DOCK3: variants seen among roughly 807,000 people sequenced by gnomAD.
DOCK3 encodes dedicator of cytokinesis 3.
DOCK3 carries 60 observed loss-of-function variants against 265.6 expected under a neutral mutation model. That is an observed-to-expected ratio of 0.23 (90% CI 0.18 to 0.28). The LOEUF (loss-of-function observed/expected upper bound fraction) is 0.28, where lower values mean the gene tolerates loss of function less well. DOCK3 is among the 10% of genes least tolerant of loss of function. The pLI is 1.00. For synonymous variants in DOCK3, 881 were observed against 938.0 expected (o/e 0.94, Z 1.11); for missense variants, 1,981 against 2,594.3 (o/e 0.76, Z 5.14).
At chr3:51,034,856 T>C (rs575392809) in intron 5 of DOCK3, among the ~76,000 whole-genome samples, 3 of 152,232 alleles carry the variant, frequency 2.0e-5, no homozygotes, top group Non-Finnish European at 2.9e-5. Flanking sequence ...TTTCTAGATA[T>C]AGAATTCTGG....
rs143479309 is a variant in DOCK3, at chr3:51,106,567, G to C, written c.746+16183G>C. Among the ~76,000 whole-genome samples the C allele has an allele frequency of 7.7e-4, 117 of 152,282 alleles. 2 individuals are homozygous for C. Among genetic ancestry groups the C allele is most frequent in the African/African-American group, 2.2e-3 (91 of 41,562 alleles). On this transcript the variant is annotated intron_variant, in intron 9 of 52. Coordinates refer to ENST00000266037, the MANE Select transcript of DOCK3 (RefSeq NM_004947.5). ...CCGCCATTGTTTTCAGAATGTTGGT[G>C]GGCTCCTTTCCTCACCAGTGCCTTG...
intron 2 of DOCK3, among the ~76,000 whole-genome samples, chr3:50,785,524 G>A (rs1377186985): frequency 6.6e-6 from 1 of 152,192 alleles, no homozygotes; most frequent in East Asian, 1.9e-4. Context: ...AATCATAAAG[G>A]ATGCTGGATT....
chr3:50,739,380 C>T (rs151006135), intron 1 of DOCK3, among the ~76,000 whole-genome samples: 2 of 152,058 alleles, frequency 1.3e-5, no homozygotes, highest in Non-Finnish European at 1.5e-5. Flanking sequence ...TGTTTTTTCT[C>T]ATTAGTGACT....
At chr3:50,812,641 T>C (rs1005656434) in intron 2 of DOCK3, among the ~76,000 whole-genome samples, 4 of 152,236 alleles carry the variant, frequency 2.6e-5, no homozygotes, top group African/African-American at 9.6e-5. Context: ...AATTCTCTCT[T>C]ACTCTGCCTT....
intron 1 of DOCK3, among the ~76,000 whole-genome samples, chr3:50,729,525 G>A (rs1313170456): frequency 6.6e-6 from 1 of 151,904 alleles, no homozygotes; most frequent in Non-Finnish European, 1.5e-5. Context: ...ATCTCCCAAT[G>A]CTATCCCTCC....
intron 9 of DOCK3, 114 bp from the exon 10 acceptor site, chr3:51,146,435 T>C: frequency 9.0e-7 from 1 of 1,117,230 alleles, no homozygotes; most frequent in Non-Finnish European, 1.3e-6. Flanking sequence ...TGGCCTTGCT[T>C]GTCACTGCAA....
At chr3:51,025,400 G>A (rs1354357042) in intron 5 of DOCK3, among the ~76,000 whole-genome samples, 2 of 152,084 alleles carry the variant, frequency 1.3e-5, no homozygotes, top group African/African-American at 4.8e-5. Flanking sequence ...CGTTTTCAAG[G>A]TCGGTGTCAC....
chr3:51,027,410 G>A (rs1575812622), intron 5 of DOCK3, among the ~76,000 whole-genome samples: 3 of 151,972 alleles, frequency 2.0e-5, no homozygotes, highest in Admixed American at 2.0e-4. Flanking sequence ...GTATAGATGA[G>A]CAAACTGTAT....
In DOCK3 at chr3:51,310,122, A is replaced by G. The variant is rs2109532176; in HGVS notation, c.2923-110A>G. ...ACAACTCACAGAGAGAACCAGATCT[A>G]ACTCACTGGTCCCACCCATTGTCAT... On this transcript the variant is annotated intron_variant, in intron 27 of 52. Coordinates refer to ENST00000266037, the MANE Select transcript of DOCK3 (RefSeq NM_004947.5). The G allele has an allele frequency of 6.2e-6, 5 of 801,662 alleles. No homozygotes were observed. The East Asian group carries it at 1.1e-4, about 17-fold the overall frequency. The allele number at this position is 801,662 out of a possible 1,614,324, so 49.7% of individuals were successfully genotyped here.
chr3:51,170,716 G>A (rs374312669), intron 12 of DOCK3, among the ~76,000 whole-genome samples: 21 of 152,184 alleles, frequency 1.4e-4, no homozygotes, highest in Admixed American at 2.6e-4. Context: ...AGGCGAAGGC[G>A]GGCGGATCAT....
chr3:50,719,755 C>T, intron 1 of DOCK3: 3 of 1,092,244 alleles, frequency 2.7e-6, no homozygotes, highest in Non-Finnish European at 4.2e-6. Flanking sequence ...ATGGACTTGC[C>T]ACCAGTGCCA....
chr3:50,726,592 A>G (rs1208476309), intron 1 of DOCK3, among the ~76,000 whole-genome samples: 1 of 152,212 alleles, frequency 6.6e-6, no homozygotes, highest in African/African-American at 2.4e-5. Context: ...TGCAAAGACT[A>G]GGAGAGTATT....
chr3:50,868,434 A>G (rs991209478), intron 3 of DOCK3, among the ~76,000 whole-genome samples: 1 of 151,964 alleles, frequency 6.6e-6, no homozygotes, highest in African/African-American at 2.4e-5. Flanking sequence ...GTGTGGTGGC[A>G]TGTTTATGGC....
intron 5 of DOCK3, among the ~76,000 whole-genome samples, chr3:51,041,393 A>G (rs1307884360): frequency 6.7e-6 from 1 of 149,984 alleles, no homozygotes; most frequent in Non-Finnish European, 1.5e-5. Context: ...AATTTTTTGT[A>G]TTTTTAGTAG....
intron 3 of DOCK3, among the ~76,000 whole-genome samples, chr3:50,884,748 T>G (rs2048240354): frequency 6.6e-6 from 1 of 152,192 alleles, no homozygotes; most frequent in Non-Finnish European, 1.5e-5. Context: ...ATTAGACTTT[T>G]TTTTTTAAAG....
chr3:51,183,325 C>T (rs554709939), intron 12 of DOCK3, among the ~76,000 whole-genome samples: 44 of 152,070 alleles, frequency 2.9e-4, no homozygotes, highest in Non-Finnish European at 5.6e-4. Context: ...TCTTTGGTTT[C>T]TGGGTGTATT....
chr3:50,864,908 A>G (rs980323851), intron 3 of DOCK3, among the ~76,000 whole-genome samples: 1 of 151,122 alleles, frequency 6.6e-6, no homozygotes, highest in Non-Finnish European at 1.5e-5. Flanking sequence ...TTTTCCCAGC[A>G]GTAGCTATTT....
chr3:51,356,330 A>G (rs2086360501), intron 42 of DOCK3, 75 bp downstream of exon 42: 15 of 1,611,738 alleles, frequency 9.3e-6, no homozygotes, highest in Admixed American at 1.7e-5. Flanking sequence ...GGAACTCACC[A>G]CTGTTTTATC....
Position 51,374,052 on chromosome 3 carries a change from GTC to G in DOCK3, c.5294-413_5294-412del, listed in dbSNP as rs2087895444. Among the ~76,000 whole-genome samples, 1 of 152,230 alleles carries G rather than the reference GTC, an allele frequency of 6.6e-6. No homozygotes were observed. Among genetic ancestry groups the G allele is most frequent in the Non-Finnish European group, 1.5e-5 (1 of 68,040 alleles). On this transcript the variant is annotated intron_variant, in intron 49 of 52. Coordinates refer to ENST00000266037, the MANE Select transcript of DOCK3 (RefSeq NM_004947.5). This position sits in a 1 kb window ranked among gnomAD's most constrained non-coding sequence, Gnocchi z 4.8. The stretch of plus-strand genomic sequence containing the variant: ...GTGGCTATGTTATCTGAGTGTCTCT[GTC>G]TCTGTGTGAGTGTCTCCATTGCAAG...
Sources: gnomAD v4.1 joint callset for allele counts (sites outside exome capture counted in the v4.1 genomes callset) on GRCh38, gnomAD v4.1.1 for gene constraint, Gnocchi (gnomAD v3.1) non-coding constraint, MANE v1.5 for transcripts, NCBI Gene and HGNC (gene_info 2026-07-23, HGNC 2026-07-21) for gene names.